Variants in RORA observed in about 807,000 individuals in gnomAD.
The protein encoded by RORA is RAR related orphan receptor A.
Under a neutral mutation model 69.5 loss-of-function variants are expected in RORA, and 7 were observed. The ratio of observed to expected loss-of-function variants is 0.10; its 90% CI spans 0.06 to 0.19. The LOEUF (loss-of-function observed/expected upper bound fraction) is 0.19. Ranked by LOEUF, RORA falls within the 10% of genes least tolerant of loss-of-function variation. The probability of loss-of-function intolerance (pLI) is 1.00; values close to 1 mark genes in which losing one functional copy is unlikely to be tolerated. For synonymous variants in RORA, 261 were observed against 240.8 expected (o/e 1.08, Z -0.78); for missense variants, 457 against 663.0 (o/e 0.69, Z 3.41).
At position 61,093,592 on chromosome 15, in the gene RORA, A is replaced by C. The variant is rs112549654; in HGVS notation, c.166+135461T>G. On this transcript the variant is annotated intron_variant, in intron 1 of 10. Coordinates refer to ENST00000335670, the MANE Select transcript of RORA (RefSeq NM_134261.3). ...GTAATCTATACCCCGATATGGTAGT[A>C]ACTAAAGATGATGGGTCAACAATAA... 5.7e-3 allele frequency among the ~76,000 whole-genome samples: 868 copies of C among 152,356 alleles called. 9 individuals are homozygous for C. The highest frequency in any genetic ancestry group is 0.024 in the Middle Eastern group (7 of 294).
intron 1 of RORA, among the ~76,000 whole-genome samples, chr15:61,108,119 T>C (rs1374298738): frequency 2.0e-5 from 3 of 152,174 alleles, no homozygotes; most frequent in Non-Finnish European, 4.4e-5. Flanking sequence ...GGATAGTTTA[T>C]CTCCTCTGGT....
chr15:61,163,112 T>A (rs1166307905), intron 1 of RORA, among the ~76,000 whole-genome samples: 1 of 152,188 alleles, frequency 6.6e-6, no homozygotes, highest in Non-Finnish European at 1.5e-5. Flanking sequence ...TCTATTTTAG[T>A]GGGGTTTTTA....
rs145419949 is a variant in RORA at position 60,510,759 on chromosome 15, A to C, written c.820+467T>G. 8.5e-3 allele frequency among the ~76,000 whole-genome samples: 1,288 copies of C among 152,342 alleles called. 13 individuals are homozygous for C. Among genetic ancestry groups the C allele is most frequent in the African/African-American group, 0.029 (1,207 of 41,562 alleles). On this transcript the variant is annotated intron_variant, in intron 5 of 10. Coordinates refer to ENST00000335670, the MANE Select transcript of RORA (RefSeq NM_134261.3). The stretch of plus-strand genomic sequence containing the variant: ...CTCCCACAAGAAGCTAAAAAAGCTG[A>C]ACTTTTGGGTATAATTATCCAAATT...
At chr15:60,994,128 G>C (rs1246642925) in intron 1 of RORA, among the ~76,000 whole-genome samples, 3 of 152,192 alleles carry the variant, frequency 2.0e-5, no homozygotes, top group Non-Finnish European at 4.4e-5. Flanking sequence ...GTTTATCTCT[G>C]AAAGCTACCT....
chr15:60,544,460 C>A (rs1299658538), intron 2 of RORA, among the ~76,000 whole-genome samples: 3 of 152,014 alleles, frequency 2.0e-5, no homozygotes, highest in Non-Finnish European at 4.4e-5. Context: ...CCGAACCCCT[C>A]GTGCTCTCCC....
chr15:60,984,801 C>CT (rs3985701), intron 1 of RORA, among the ~76,000 whole-genome samples: 54,619 of 137,096 alleles, frequency 0.4, 10,882 homozygotes, highest in Admixed American at 0.43. Flanking sequence ...CTACATATGT[C>CT]TTTTTTTTTT....
At chr15:60,962,949 T>G (rs1893455348) in intron 1 of RORA, among the ~76,000 whole-genome samples, 1 of 151,992 alleles carries the variant, frequency 6.6e-6, no homozygotes, top group Admixed American at 6.6e-5. Flanking sequence ...TCATGAAAAA[T>G]AGGTAGGGTT....
chr15:60,569,845 A>G (rs1174774170), intron 2 of RORA, among the ~76,000 whole-genome samples: 1 of 152,194 alleles, frequency 6.6e-6, no homozygotes, highest in East Asian at 1.9e-4. Context: ...TCACAAATCA[A>G]TGGAAGCTAT....
chr15:61,188,121 C>G (rs2079761926), intron 1 of RORA, among the ~76,000 whole-genome samples: 2 of 152,266 alleles, frequency 1.3e-5, no homozygotes, highest in South Asian at 4.1e-4. Context: ...ATGACCCAAC[C>G]CCAAGCTGTC....
intron 1 of RORA, among the ~76,000 whole-genome samples, chr15:61,181,783 A>G (rs971219786): frequency 3.3e-5 from 5 of 152,014 alleles, no homozygotes; most frequent in African/African-American, 1.2e-4. Flanking sequence ...AGAATCTAAT[A>G]TGGGAGAGAT....
intron 2 of RORA, among the ~76,000 whole-genome samples, chr15:60,590,594 A>C (rs1272471454): frequency 6.6e-6 from 1 of 152,192 alleles, no homozygotes; most frequent in African/African-American, 2.4e-5. Flanking sequence ...TAGCAAAATC[A>C]ATTTTATAAT....
chr15:61,165,075 C>T (rs1200898857), intron 1 of RORA, among the ~76,000 whole-genome samples: 2 of 152,164 alleles, frequency 1.3e-5, no homozygotes, highest in South Asian at 2.1e-4. Context: ...CTGTAGGTTC[C>T]CCTAGCAAAC....
chr15:60,873,866 G>T (rs546611928), intron 1 of RORA, among the ~76,000 whole-genome samples: 11 of 152,238 alleles, frequency 7.2e-5, no homozygotes, highest in African/African-American at 2.4e-4. Flanking sequence ...AAATATCAGG[G>T]AATTTATCTT....
At chr15:60,697,320 T>G (rs149357579) in intron 1 of RORA, among the ~76,000 whole-genome samples, 1 of 152,292 alleles carries the variant, frequency 6.6e-6, no homozygotes, top group African/African-American at 2.4e-5. Flanking sequence ...AAGAGCTACA[T>G]GTACCCCAAC....
intron 2 of RORA, among the ~76,000 whole-genome samples, chr15:60,605,170 C>A (rs1016297531): frequency 6.6e-6 from 1 of 151,968 alleles, no homozygotes; most frequent in African/African-American, 2.4e-5. Context: ...GTTCTACACA[C>A]GATATACTAT....
chr15:60,579,964 T>C (rs1199107064), intron 2 of RORA, among the ~76,000 whole-genome samples: 1 of 152,158 alleles, frequency 6.6e-6, no homozygotes, highest in Non-Finnish European at 1.5e-5. Flanking sequence ...TATTTATTAA[T>C]GACTACACAG....
At chr15:61,190,280 A>T (rs2079785169) in intron 1 of RORA, among the ~76,000 whole-genome samples, 1 of 152,186 alleles carries the variant, frequency 6.6e-6, no homozygotes, top group Non-Finnish European at 1.5e-5. Flanking sequence ...TACAAGGGGC[A>T]TTTTCCTATT....
At chr15:61,081,601 A>T (rs1444338605) in intron 1 of RORA, among the ~76,000 whole-genome samples, 2 of 152,006 alleles carry the variant, frequency 1.3e-5, no homozygotes, top group Non-Finnish European at 2.9e-5. Flanking sequence ...GGGTCAGGAG[A>T]TCGAGACCAT....
chr15:60,662,918 T>C (rs1018313721), intron 2 of RORA, among the ~76,000 whole-genome samples: 1 of 152,192 alleles, frequency 6.6e-6, no homozygotes, highest in African/African-American at 2.4e-5. Flanking sequence ...CATAGCTGAA[T>C]TGCTTCCTGA....
Sources: gnomAD v4.1 joint callset for allele counts (sites outside exome capture counted in the v4.1 genomes callset) on GRCh38, gnomAD v4.1.1 for gene constraint, MANE v1.5 for transcripts, NCBI Gene and HGNC (gene_info 2026-07-23, HGNC 2026-07-21) for gene names.